Variants in ATF6 observed in about 807,000 individuals in gnomAD.
The protein encoded by ATF6 is activating transcription factor 6, also known as cyclic AMP-dependent transcription factor ATF-6 alpha.
In ATF6, 53 loss-of-function variants were observed where a neutral mutation model predicts 83.6. The ratio of observed to expected loss-of-function variants is 0.63; its 90% confidence interval spans 0.51 to 0.80. The LOEUF is 0.80. ATF6 is among the 30% of genes least tolerant of loss of function. The pLI, the probability that ATF6 is intolerant of heterozygous loss-of-function variation, is 0.00. For synonymous variants in ATF6, 288 were observed against 285.8 expected (o/e 1.01, Z -0.08); for missense variants, 744 against 797.9 (o/e 0.93, Z 0.81).
At chr1:161,866,578 T>G (rs1687005276) in intron 14 of ATF6, among the ~76,000 whole-genome samples, 1 of 152,236 alleles carries the variant, frequency 6.6e-6, no homozygotes, top group Non-Finnish European at 1.5e-5. Flanking sequence ...GTAGCTTATT[T>G]TCCTGTAAAT....
chr1:161,855,392 T>C (rs1034418479), intron 12 of ATF6, among the ~76,000 whole-genome samples: 1 of 152,194 alleles, frequency 6.6e-6, no homozygotes, highest in Non-Finnish European at 1.5e-5. Context: ...TACCATTTAC[T>C]GAGACCAGTA....
Position 161,952,960 on chromosome 1 carries a change from T to C in ATF6, c.1805-5486T>C, listed in dbSNP as rs1174343772. Reference sequence around the variant, plus strand: ...GCTTAGGTTTGAATCTCTCCTGCCATTTGCCAGCTGAGTGGCTAGTCACGT... The same window carrying C: ...GCTTAGGTTTGAATCTCTCCTGCCACTTGCCAGCTGAGTGGCTAGTCACGT... On this transcript the variant is annotated intron_variant, in intron 15 of 15. Coordinates refer to ENST00000367942, the MANE Select transcript of ATF6 (RefSeq NM_007348.4). 6.6e-5 allele frequency among the ~76,000 whole-genome samples: 10 copies of C among 152,250 alleles called. No homozygotes were observed. In the East Asian group the frequency reaches 1.9e-3, roughly 29 times the overall value.
At chr1:161,817,043 A>G (rs183080373) in intron 7 of ATF6, among the ~76,000 whole-genome samples, 298 of 152,326 alleles carry the variant, frequency 2.0e-3, no homozygotes, top group African/African-American at 6.3e-3. Context: ...CAGAACTATT[A>G]TAGTGTATCT....
chr1:161,895,589 G>T (rs369634502), intron 14 of ATF6, among the ~76,000 whole-genome samples: 10 of 152,316 alleles, frequency 6.6e-5, no homozygotes, highest in Admixed American at 2.0e-4. Context: ...GGCAGGAATT[G>T]TGATTAGAGT....
intron 15 of ATF6, among the ~76,000 whole-genome samples, chr1:161,956,792 G>C (rs756507176): frequency 9.2e-5 from 14 of 152,200 alleles, no homozygotes; most frequent in Non-Finnish European, 1.8e-4. Flanking sequence ...GAGGAATTAT[G>C]TATTCTATTG....
Position 161,963,850 on chromosome 1 carries a change from G to C in ATF6, c.*5196G>C, listed in dbSNP as rs1217038173. ...CATTAGAACTGAGGGGGGAGTGTTAGAGATGCCATTTCACCAGGATCTTTT... is the reference window on the plus strand; with the variant it reads ...CATTAGAACTGAGGGGGGAGTGTTACAGATGCCATTTCACCAGGATCTTTT... On this transcript the variant is annotated 3_prime_UTR_variant, in exon 16 of 16. Transcript: ENST00000367942. 4 of 152,176 alleles carry C rather than the reference G, an allele frequency of 2.6e-5. No individual in the cohort carries two copies. Among genetic ancestry groups the C allele is most frequent in the Non-Finnish European group, 4.4e-5 (3 of 68,046 alleles). 9.4% of individuals were successfully genotyped at this position (152,176 alleles called of 1,614,324 possible).
At chr1:161,904,626 AACACACAC>A (rs141394108) in intron 14 of ATF6, among the ~76,000 whole-genome samples, 2 of 149,772 alleles carry the variant, frequency 1.3e-5, no homozygotes, top group Admixed American at 1.3e-4. Context: ...AAAAAAACAA[AACACACAC>A]ACACACACAC....
At chr1:161,791,375 TA>T in intron 4 of ATF6, 32 bp from the exon 5 acceptor site, 3 of 1,580,398 alleles carry the variant, frequency 1.9e-6, no homozygotes, top group Non-Finnish European at 2.6e-6. Context: ...TTAAGGATTA[TA>T]CTCATTAATT....
At chr1:161,786,728 A>G (rs915555573) in intron 4 of ATF6, among the ~76,000 whole-genome samples, 2 of 152,192 alleles carry the variant, frequency 1.3e-5, no homozygotes, top group African/African-American at 2.4e-5. Flanking sequence ...TACTTCCTAC[A>G]AGCACAGATA....
At chr1:161,801,359 CTTTTTT>C (rs1170991022) in intron 6 of ATF6, among the ~76,000 whole-genome samples, 1 of 95,288 alleles carries the variant, frequency 1.0e-5, no homozygotes, top group African/African-American at 4.0e-5. Context: ...TATTTGTAGT[CTTTTTT>C]TTTTTTTTTT....
At chr1:161,849,344 C>T (rs1198812540) in intron 10 of ATF6, among the ~76,000 whole-genome samples, 1 of 152,142 alleles carries the variant, frequency 6.6e-6, no homozygotes, top group Non-Finnish European at 1.5e-5. Context: ...TGAGAATATT[C>T]CTGGTGCAAG....
intron 12 of ATF6, among the ~76,000 whole-genome samples, chr1:161,854,191 A>AT: frequency 6.6e-6 from 1 of 152,320 alleles, no homozygotes; most frequent in East Asian, 1.9e-4. Flanking sequence ...GCTAGCTGTT[A>AT]TAACAGCCCC....
intron 14 of ATF6, among the ~76,000 whole-genome samples, chr1:161,866,276 G>A (rs751119924): frequency 2.0e-5 from 3 of 152,140 alleles, no homozygotes; most frequent in Non-Finnish European, 1.5e-5. Flanking sequence ...GCCATTGACT[G>A]TTTCGTACTG....
At chr1:161,803,840 C>CT (rs138386883) in intron 7 of ATF6, among the ~76,000 whole-genome samples, 15,904 of 151,472 alleles carry the variant, frequency 0.1, 1,618 homozygotes, top group African/African-American at 0.27. Flanking sequence ...TTTGAAATTT[C>CT]TTTTTTTTTG....
chr1:161,867,617 G>A (rs6667896), intron 14 of ATF6, among the ~76,000 whole-genome samples: 137,535 of 152,258 alleles, frequency 0.9, 62,290 homozygotes, highest in African/African-American at 0.97. Flanking sequence ...TCAGATGGCT[G>A]TGAATGTCAG....
At chr1:161,878,115 CATTT>C (rs1687254189) in intron 14 of ATF6, among the ~76,000 whole-genome samples, 2 of 151,874 alleles carry the variant, frequency 1.3e-5, no homozygotes, top group African/African-American at 4.8e-5. Context: ...AGCTCATACA[CATTT>C]ATTTATTTAT....
intron 15 of ATF6, among the ~76,000 whole-genome samples, chr1:161,913,718 C>T (rs1688036877): frequency 6.6e-6 from 1 of 152,150 alleles, no homozygotes; most frequent in South Asian, 2.1e-4. Flanking sequence ...CATTTTATTA[C>T]ATTCCAAAGA....
chr1:161,791,062 ATGTGTGTG>A (rs72157843), intron 4 of ATF6, among the ~76,000 whole-genome samples: 1 of 137,216 alleles, frequency 7.3e-6, no homozygotes, highest in South Asian at 2.3e-4. Context: ...CAAGTTTTAT[ATGTGTGTG>A]TGTGTGTGTG....
intron 1 of ATF6, among the ~76,000 whole-genome samples, chr1:161,777,530 C>T (rs139650907): frequency 6.6e-6 from 1 of 152,278 alleles, no homozygotes; most frequent in Non-Finnish European, 1.5e-5. Context: ...CTTCAAAGTG[C>T]TTAAAGTTTT....
Sources: allele counts gnomAD v4.1 joint callset (sites outside exome capture counted in the v4.1 genomes callset), GRCh38; gene constraint gnomAD v4.1.1; transcripts MANE v1.5; gene names NCBI Gene and HGNC (gene_info 2026-07-23, HGNC 2026-07-21).